The following CTNND2 variants were observed in gnomAD, a reference collection of about 807,000 sequenced individuals.
CTNND2 encodes catenin delta-2.
In CTNND2, 22 loss-of-function variants were observed where a neutral mutation model predicts 144.4. The ratio of observed to expected loss-of-function variants is 0.15; its 90% CI spans 0.11 to 0.22. The LOEUF (loss-of-function observed/expected upper bound fraction) is 0.22, where lower values mean the gene tolerates loss of function less well. CTNND2 is among the 10% of genes least tolerant of loss of function. The probability of loss-of-function intolerance (pLI) is 1.00; values close to 1 mark genes in which losing one functional copy is unlikely to be tolerated. For synonymous variants in CTNND2, 751 were observed against 695.6 expected (o/e 1.08, Z -1.25); for missense variants, 1,353 against 1,618.8 (o/e 0.84, Z 2.82).
At chr5:11,579,153 T>G (rs1778212461) in intron 2 of CTNND2, among the ~76,000 whole-genome samples, 2 of 152,106 alleles carry the variant, frequency 1.3e-5, no homozygotes, top group Non-Finnish European at 1.5e-5. Flanking sequence ...TTTCCTTTTT[T>G]TTTTTTTTTT....
chr5:11,394,746 G>C (rs750028979), intron 6 of CTNND2, among the ~76,000 whole-genome samples: 9 of 152,166 alleles, frequency 5.9e-5, no homozygotes, highest in Non-Finnish European at 1.0e-4. Flanking sequence ...TGTAGATCCT[G>C]GTGATGATCA....
intron 2 of CTNND2, among the ~76,000 whole-genome samples, chr5:11,605,701 TGAG>T (rs772478078): frequency 3.3e-5 from 5 of 152,092 alleles, no homozygotes; most frequent in African/African-American, 4.8e-5. Context: ...AAGGGAACAG[TGAG>T]GAGTCTTTTG....
chr5:11,364,513 G>T, intron 8 of CTNND2, 183 bp downstream of exon 8: 1 of 484,472 alleles, frequency 2.1e-6, no homozygotes. Context: ...TACCAAGGTA[G>T]CCTGAATTAA....
At chr5:11,461,994 T>A (rs942066504) in intron 3 of CTNND2, among the ~76,000 whole-genome samples, 1 of 151,962 alleles carries the variant, frequency 6.6e-6, no homozygotes, top group Admixed American at 6.6e-5. Context: ...ACTGACAAAA[T>A]ACCATCGAGG....
intron 1 of CTNND2, among the ~76,000 whole-genome samples, chr5:11,771,192 C>CTTTTTTTTTTTTTTTTTTTTTT (rs34686102): frequency 9.6e-6 from 1 of 103,764 alleles, no homozygotes; most frequent in Non-Finnish European, 1.8e-5. Flanking sequence ...ACATTGTTAG[C>CTTTTTTTTTTTTTTTTTTTTTT]TTTTTTTTTT....
intron 1 of CTNND2, among the ~76,000 whole-genome samples, chr5:11,874,670 A>C (rs1231317867): frequency 6.6e-6 from 1 of 152,220 alleles, no homozygotes; most frequent in Non-Finnish European, 1.5e-5. Context: ...GCGAGATTTC[A>C]GCATACTACT....
chr5:11,788,338 G>C (rs1476654296), intron 1 of CTNND2, among the ~76,000 whole-genome samples: 6 of 151,962 alleles, frequency 3.9e-5, no homozygotes, highest in Admixed American at 1.3e-4. Flanking sequence ...ATCTGTAAGA[G>C]GGCTGCCTTC....
At chr5:11,277,290 C>T (rs1746638743) in intron 9 of CTNND2, among the ~76,000 whole-genome samples, 1 of 151,820 alleles carries the variant, frequency 6.6e-6, no homozygotes. Flanking sequence ...CTGAGAACAA[C>T]AGAAATTACA....
intron 3 of CTNND2, 41 bp downstream of exon 3, chr5:11,564,903 G>T: frequency 7.5e-7 from 1 of 1,338,016 alleles, no homozygotes; most frequent in Non-Finnish European, 1.1e-6. Flanking sequence ...ACTTGCAGGG[G>T]CAACTCAAAG....
intron 1 of CTNND2, among the ~76,000 whole-genome samples, chr5:11,791,917 T>C (rs948209592): frequency 1.3e-5 from 2 of 152,148 alleles, no homozygotes; most frequent in African/African-American, 4.8e-5. Context: ...GCAAACAAAA[T>C]GCAGTCATGC....
chr5:11,449,658 A>C (rs779537360), intron 3 of CTNND2, among the ~76,000 whole-genome samples: 1 of 152,166 alleles, frequency 6.6e-6, no homozygotes, highest in Non-Finnish European at 1.5e-5. Context: ...ACTTGTATTC[A>C]TTTCTCTGTT....
chr5:10,993,168 C>T (rs1014097048), intron 18 of CTNND2, among the ~76,000 whole-genome samples: 2 of 152,160 alleles, frequency 1.3e-5, no homozygotes, highest in African/African-American at 2.4e-5. Flanking sequence ...TTTCCAGCCC[C>T]AAATGCCCAC....
chr5:11,085,009 A>G (rs1749983660), intron 15 of CTNND2, among the ~76,000 whole-genome samples: 1 of 152,036 alleles, frequency 6.6e-6, no homozygotes, highest in Non-Finnish European at 1.5e-5. Flanking sequence ...ACACAGACAG[A>G]GGAGAACCTG....
At chr5:10,993,039 T>C (rs1477337741) in intron 18 of CTNND2, among the ~76,000 whole-genome samples, 1 of 152,136 alleles carries the variant, frequency 6.6e-6, no homozygotes, top group East Asian at 1.9e-4. Context: ...TCTGCCTGGC[T>C]CCCTCTTCCG....
chr5:11,156,943 C>T (rs569325890), intron 12 of CTNND2, among the ~76,000 whole-genome samples: 2 of 152,308 alleles, frequency 1.3e-5, no homozygotes, highest in African/African-American at 4.8e-5. Context: ...AGTGTTGCCC[C>T]GTCAGCAGGT....
intron 3 of CTNND2, among the ~76,000 whole-genome samples, chr5:11,414,486 T>C (rs1000329967): frequency 1.3e-5 from 2 of 152,178 alleles, no homozygotes; most frequent in African/African-American, 4.8e-5. Context: ...ATCACAAATC[T>C]CTTCTTTATA....
intron 3 of CTNND2, among the ~76,000 whole-genome samples, chr5:11,454,335 G>A (rs552027481): frequency 6.6e-5 from 10 of 152,148 alleles, no homozygotes; most frequent in Admixed American, 4.6e-4. Context: ...CAGGAGAATC[G>A]CTTGAACCCG....
At chr5:11,784,731 C>T (rs1405867145) in intron 1 of CTNND2, among the ~76,000 whole-genome samples, 1 of 152,194 alleles carries the variant, frequency 6.6e-6, no homozygotes, top group East Asian at 1.9e-4. Flanking sequence ...AAGAAGCAAA[C>T]CCCATGAATT....
chr5:11,553,141 T>C (rs1443813483), intron 3 of CTNND2, among the ~76,000 whole-genome samples: 1 of 152,206 alleles, frequency 6.6e-6, no homozygotes, highest in African/African-American at 2.4e-5. Flanking sequence ...ATTATACATA[T>C]GTTATTATTG....
Sources: allele counts gnomAD v4.1 joint callset (sites outside exome capture counted in the v4.1 genomes callset), GRCh38; gene constraint gnomAD v4.1.1; transcripts MANE v1.5; gene names NCBI Gene and HGNC (gene_info 2026-07-23, HGNC 2026-07-21).